The following PTTG1 variants were observed in gnomAD, a reference collection of about 807,000 sequenced individuals.
PTTG1 encodes the protein securin.
A neutral mutation model predicts 20.0 loss-of-function variants in PTTG1; 8 were observed. The observed-to-expected ratio is 0.40, with a 90% CI of 0.23 to 0.72. PTTG1 has a LOEUF of 0.72. Ranked by LOEUF, PTTG1 falls within the 30% of genes least tolerant of loss-of-function variation. The pLI, the probability that PTTG1 is intolerant of heterozygous loss-of-function variation, is 0.38. For synonymous variants in PTTG1, 79 were observed against 87.2 expected, an observed-to-expected ratio of 0.91 and a Z score of 0.52; for missense variants, 197 against 236.0, an observed-to-expected ratio of 0.83 and a Z score of 1.08.
intron 1 of PTTG1, 193 bp from the exon 2 acceptor site, chr5:160,422,109 A>T (rs1413290403): frequency 3.8e-6 from 2 of 531,500 alleles, no homozygotes; most frequent in African/African-American, 1.9e-5. Context: ...GCTGCTCGGG[A>T]CCTTAGAGCC....
Position 160,422,079 on chromosome 5 carries a change from G to A in PTTG1, c.-12+188G>A, listed in dbSNP as rs928716647. On this transcript the variant is annotated intron_variant, in intron 1 of 5. Transcript: ENST00000352433. ...TGGACCAACGGCAACTGTCTGATGA[G>A]TGCCAGCCCCAAACCGCGCGCTGCT... 4.7e-5 allele frequency: 22 copies of A among 463,942 alleles called. 1 individual carries two copies. The South Asian group carries it at 5.0e-4, about 10-fold the overall frequency. 28.7% of individuals were successfully genotyped at this position (463,942 alleles called of 1,614,324 possible).
chr5:160,422,922 A>G (rs771805366), intron 3 of PTTG1, 29 bp downstream of exon 3: 1 of 1,608,490 alleles, frequency 6.2e-7, no homozygotes, highest in East Asian at 2.2e-5. Flanking sequence ...GACACTGTTT[A>G]AACACTTAAG....
chr5:160,427,658 T>A, intron 4 of PTTG1, 57 bp from the exon 5 acceptor site: 1 of 1,571,524 alleles, frequency 6.4e-7, no homozygotes, highest in Non-Finnish European at 8.7e-7. Context: ...CCACAAGGGA[T>A]CTACAGCCCA....
At chr5:160,427,468 C>G (rs1372313299) in intron 4 of PTTG1, among the ~76,000 whole-genome samples, 1 of 152,132 alleles carries the variant, frequency 6.6e-6, no homozygotes, top group Non-Finnish European at 1.5e-5. Context: ...AAGAAGGATG[C>G]AGAACAGAGA....
intron 1 of PTTG1, 136 bp downstream of exon 1, chr5:160,422,027 G>T (rs1207694963): frequency 1.1e-5 from 3 of 277,464 alleles, no homozygotes; most frequent in Non-Finnish European, 2.1e-5. Context: ...CTCCGAGCCC[G>T]TTTGAGCGTG....
At chr5:160,427,548 C>T (rs183607385) in intron 4 of PTTG1, among the ~76,000 whole-genome samples, 167 bp from the exon 5 acceptor site, 30 of 152,278 alleles carry the variant, frequency 2.0e-4, no homozygotes, top group African/African-American at 7.0e-4. Context: ...TCCACCGCTG[C>T]CTTGGTACCA....
chr5:160,423,021 G>A lies in PTTG1; in HGVS notation c.276+128G>A, dbSNP rs59605416. 3.0e-3 allele frequency: 2,831 copies of A among 936,218 alleles called. 50 individuals carry two copies. The African/African-American group carries it at 0.04, about 13-fold the overall frequency. The allele number at this position is 936,218 out of a possible 1,614,324, so 58.0% of individuals were successfully genotyped here. On this transcript the variant is annotated intron_variant, in intron 3 of 5. Coordinates refer to ENST00000352433, the MANE Select transcript of PTTG1 (RefSeq NM_004219.4). ...AGGGAAATAGAGGTTAGCAAGCAGA[G>A]TAGTGGAGGAGACTCAGATTGTCCT...
intron 4 of PTTG1, chr5:160,424,571 C>T: frequency 2.6e-6 from 1 of 387,106 alleles, no homozygotes; most frequent in Admixed American, 4.3e-5. Context: ...AAGCTTATCA[C>T]CTAGAGGAGG....
In PTTG1 at chr5:160,428,690, G is replaced by A. The variant is rs761574736; in HGVS notation, c.*9G>A. On this transcript the variant is annotated 3_prime_UTR_variant, in exon 6 of 6. Coordinates refer to ENST00000352433, the MANE Select transcript of PTTG1 (RefSeq NM_004219.4). ...GTGACATAGATATTTAAATTTCTTA[G>A]TGCTTCAGAGTTTGTGTGTATTTGT... 6.2e-7 allele frequency: 1 copy of A among 1,600,722 alleles called. No homozygotes were observed. Among genetic ancestry groups the A allele is most frequent in the Non-Finnish European group, 8.6e-7 (1 of 1,167,860 alleles).
At chr5:160,426,308 TACAAG>T (rs779804648) in intron 4 of PTTG1, among the ~76,000 whole-genome samples, 7 of 152,240 alleles carry the variant, frequency 4.6e-5, no homozygotes, top group Admixed American at 2.0e-4. Flanking sequence ...TTTGGCTTAA[TACAAG>T]ACAACTGGAT....
intron 3 of PTTG1, 160 bp downstream of exon 3, chr5:160,423,053 C>T: frequency 1.4e-6 from 1 of 715,840 alleles, no homozygotes; most frequent in Non-Finnish European, 2.3e-6. Flanking sequence ...TCCTTGTGGA[C>T]TTCTTGGTAC....
intron 3 of PTTG1, chr5:160,423,110 A>G: frequency 1.7e-6 from 1 of 572,138 alleles, no homozygotes; most frequent in Non-Finnish European, 3.0e-6. Context: ...TTTTTGCCTC[A>G]TGCATATTTT....
chr5:160,428,544 A>T, intron 5 of PTTG1, 58 bp from the exon 6 acceptor site: 1 of 1,435,560 alleles, frequency 7.0e-7, no homozygotes, highest in Non-Finnish European at 9.8e-7. Context: ...GTCTATGTTG[A>T]TATGGACAAT....
intron 3 of PTTG1, among the ~76,000 whole-genome samples, chr5:160,423,830 A>G (rs1185226961): frequency 6.6e-6 from 1 of 152,234 alleles, no homozygotes; most frequent in Non-Finnish European, 1.5e-5. Flanking sequence ...TGAGGAACAC[A>G]AACTTGTTTT....
At chr5:160,422,061 A>G (rs1461890606) in intron 1 of PTTG1, 170 bp downstream of exon 1, 2 of 376,972 alleles carry the variant, frequency 5.3e-6, no homozygotes, top group Non-Finnish European at 9.8e-6. Context: ...AACTGGACCA[A>G]CGGCAACTGT....
chr5:160,425,872 C>A (rs891555009), intron 4 of PTTG1, among the ~76,000 whole-genome samples: 5 of 152,210 alleles, frequency 3.3e-5, no homozygotes, highest in African/African-American at 1.2e-4. Context: ...AGAGAACTTT[C>A]ACACCTACGG....
chr5:160,423,712 T>G (rs1765759062), intron 3 of PTTG1, among the ~76,000 whole-genome samples: 1 of 152,206 alleles, frequency 6.6e-6, no homozygotes, highest in Non-Finnish European at 1.5e-5. Context: ...AGCACCCTTC[T>G]ATAGTAGACT....
chr5:160,427,910 C>A, intron 5 of PTTG1, 37 bp downstream of exon 5: 4 of 1,612,860 alleles, frequency 2.5e-6, no homozygotes, highest in Non-Finnish European at 3.4e-6. Flanking sequence ...GGGCTGCAAA[C>A]AATTTGTTTC....
At position 160,424,239 on chromosome 5, in the gene PTTG1, G is replaced by T. The variant is rs1427353051; in HGVS notation, c.279G>T (p.Met93Ile). Reference protein sequence around the residue: ...QKQPSFSAKKMTEKTVKAKSS... With the variant: ...QKQPSFSAKKITEKTVKAKSS... ...CATATTTTCTTTGGCTGTTCTAGATGACTGAGAAGACTGTTAAAGCAAAAA... is the reference window on the plus strand; with the variant it reads ...CATATTTTCTTTGGCTGTTCTAGATTACTGAGAAGACTGTTAAAGCAAAAA... Residue 93 changes from methionine (M) to isoleucine (I), a missense_variant and splice_region_variant, in exon 4 of 6, where the codon ATG becomes ATT. Physicochemically the swap from Met to Ile is conservative, Grantham distance 10. Transcript: ENST00000352433. 1 of 1,605,602 alleles carries T rather than the reference G, an allele frequency of 6.2e-7. No homozygotes were observed. Among genetic ancestry groups the T allele is most frequent in the South Asian group, 1.1e-5 (1 of 90,562 alleles).
Sources: allele counts gnomAD v4.1 joint callset (sites outside exome capture counted in the v4.1 genomes callset), GRCh38; gene constraint gnomAD v4.1.1; transcripts MANE v1.5; gene names NCBI Gene and HGNC (gene_info 2026-07-23, HGNC 2026-07-21).